TBCE: variants seen among roughly 807,000 people sequenced by gnomAD.
TBCE encodes the protein tubulin folding cofactor E, also known as tubulin-specific chaperone E.
A neutral mutation model predicts 77.0 loss-of-function variants in TBCE; 53 were observed. That is an observed-to-expected ratio of 0.69 (90% CI 0.55 to 0.87). TBCE has a LOEUF of 0.87. TBCE is among the 40% of genes least tolerant of loss of function. The probability of loss-of-function intolerance (pLI) is 0.00; values close to 1 mark genes in which losing one functional copy is unlikely to be tolerated. For synonymous variants in TBCE, 235 were observed against 241.3 expected (o/e 0.97, Z 0.24); for missense variants, 624 against 622.4 (o/e 1.00, Z -0.03).
Position 235,450,505 on chromosome 1 carries a change from G to A in TBCE, c.*1743G>A. 1 of 772,254 alleles carries A rather than the reference G, an allele frequency of 1.3e-6. No homozygotes were observed. Among genetic ancestry groups the A allele is most frequent in the Non-Finnish European group, 2.0e-6 (1 of 500,030 alleles). 47.8% of individuals were successfully genotyped at this position (772,254 alleles called of 1,614,324 possible). ...GTGAGGTTTGGGGGTGGCACCTCCT[G>A]ATTTGGGAAAGCACCAGGTCCCACA... On this transcript the variant is annotated 3_prime_UTR_variant, in exon 17 of 17. Transcript: ENST00000642610.
At position 235,434,238 on chromosome 1, in the gene TBCE, A is replaced by G; in HGVS notation, c.695A>G (p.Glu232Gly). 6.2e-7 allele frequency: 1 copy of G among 1,614,196 alleles called. No homozygotes were observed. The highest frequency in any genetic ancestry group is 8.5e-7 in the Non-Finnish European group (1 of 1,180,040). The change falls in exon 8 of 17, where the codon GAG (glutamate) becomes GGG (glycine). Residue 232 changes from glutamate (E) to glycine (G), a missense_variant. Coordinates refer to ENST00000642610, the MANE Select transcript of TBCE (RefSeq NM_003193.5). The stretch of plus-strand genomic sequence containing the variant: ...TGTGTCGCGGGGTGCCCAGGCCTGG[A>G]GGAACTCTACCTTGAGTCTAACAAC... ...LRCVAGCPGL[E>G]ELYLESNNIF...
chr1:235,372,321 G>A (rs1328735377), intron 1 of TBCE, among the ~76,000 whole-genome samples: 1 of 152,146 alleles, frequency 6.6e-6, no homozygotes, highest in African/African-American at 2.4e-5. Flanking sequence ...GCCTCCCAAA[G>A]TGTTGGGATT....
At chr1:235,374,770 G>C (rs959248317) in intron 1 of TBCE, among the ~76,000 whole-genome samples, 2 of 145,442 alleles carry the variant, frequency 1.4e-5, no homozygotes, top group Admixed American at 1.4e-4. Flanking sequence ...CGAAGTGCTG[G>C]GATTACAGGT....
intron 11 of TBCE, 75 bp downstream of exon 11, chr1:235,436,683 C>T (rs1422745152): frequency 1.4e-6 from 2 of 1,421,776 alleles, no homozygotes; most frequent in Admixed American, 1.7e-5. Flanking sequence ...GAGGTTCCTT[C>T]TACCAAAAAA....
chr1:235,383,220 C>T (rs978474108), intron 2 of TBCE, among the ~76,000 whole-genome samples: 1 of 150,712 alleles, frequency 6.6e-6, no homozygotes, highest in African/African-American at 2.4e-5. Flanking sequence ...TTACTGTAGC[C>T]TTGTAGTATA....
chr1:235,430,354 C>T (rs567802781), intron 6 of TBCE: 9 of 230,860 alleles, frequency 3.9e-5, no homozygotes, highest in Admixed American at 2.6e-4. Context: ...CTCTGGAGAA[C>T]GGGACTTTGT....
intron 5 of TBCE, among the ~76,000 whole-genome samples, chr1:235,426,330 C>T (rs1680712771): frequency 6.6e-6 from 1 of 152,142 alleles, no homozygotes; most frequent in Admixed American, 6.5e-5. Context: ...ACAACTGCTT[C>T]CAGGCTACCG....
chr1:235,379,461 G>A lies in TBCE; in HGVS notation c.-31-558G>A, dbSNP rs557307272. Among the ~76,000 whole-genome samples, 8 of 152,250 alleles carry A rather than the reference G, an allele frequency of 5.3e-5. No homozygotes were observed. In the South Asian group the frequency reaches 1.0e-3, roughly 20 times the overall value. ...GGGAATTGCTTGAACCAGGGAGGTGGAGGTTGCAGTGAGCCGAGATCGTGC... is the reference window on the plus strand; with the variant it reads ...GGGAATTGCTTGAACCAGGGAGGTGAAGGTTGCAGTGAGCCGAGATCGTGC... On this transcript the variant is annotated intron_variant, in intron 1 of 16. Coordinates refer to ENST00000642610, the MANE Select transcript of TBCE (RefSeq NM_003193.5).
chr1:235,402,933 C>T (rs1382400841), intron 3 of TBCE, among the ~76,000 whole-genome samples: 1 of 152,074 alleles, frequency 6.6e-6, no homozygotes, highest in Admixed American at 6.6e-5. Flanking sequence ...ACCAGCCCCA[C>T]TTTTAACAGT....
chr1:235,432,108 A>C (rs57175215), intron 7 of TBCE, among the ~76,000 whole-genome samples: 3,403 of 150,000 alleles, frequency 0.023, 134 homozygotes, highest in African/African-American at 0.078. Flanking sequence ...CTCAGCCTCC[A>C]AAGTAGCTGG....
At chr1:235,410,104 A>G (rs1357767116) in intron 3 of TBCE, among the ~76,000 whole-genome samples, 1 of 150,126 alleles carries the variant, frequency 6.7e-6, no homozygotes, top group Non-Finnish European at 1.5e-5. Flanking sequence ...AATCCCAGCT[A>G]CTCAGGAGGC....
intron 1 of TBCE, among the ~76,000 whole-genome samples, chr1:235,369,670 AC>A (rs1227418071): frequency 5.9e-5 from 9 of 151,524 alleles, no homozygotes; most frequent in Non-Finnish European, 2.9e-5. Context: ...AAAAAAAAAC[AC>A]AAAAAATTAC....
chr1:235,438,950 A>G (rs1182250785), intron 13 of TBCE, 28 bp downstream of exon 13: 3 of 1,614,140 alleles, frequency 1.9e-6, no homozygotes, highest in Non-Finnish European at 1.7e-6. Flanking sequence ...GGTGGCCTTC[A>G]GGTGGTGGAT....
rs527343875 is a variant in TBCE, at chr1:235,411,269, GGAGT to G, written c.186-3160_186-3157del. Among the ~76,000 whole-genome samples the G allele has an allele frequency of 9.7e-4, 148 of 152,228 alleles. 1 individual carries two copies. The South Asian group carries it at 0.017, about 17-fold the overall frequency. On this transcript the variant is annotated intron_variant, in intron 3 of 16. Coordinates refer to ENST00000642610, the MANE Select transcript of TBCE (RefSeq NM_003193.5). ...CACAGGTCAGGAACTGTGTAGACAA[GGAGT>G]GAGGCCAGTTTTCCCAAGCGGCTTT...
In TBCE at chr1:235,411,445, TC is replaced by T. The variant is rs200479702; in HGVS notation, c.186-2984del. Among the ~76,000 whole-genome samples, 790 of 151,554 alleles carry T rather than the reference TC, an allele frequency of 5.2e-3. 7 individuals are homozygous for T. The highest frequency in any genetic ancestry group is 0.019 in the African/African-American group (768 of 41,006). The stretch of plus-strand genomic sequence containing the variant: ...TATTTCCTTTGGGTTGGGGGGCGGG[TC>T]CCCTCAGTGTCCTCCTTTCTGTGGT... On this transcript the variant is annotated intron_variant, in intron 3 of 16. Transcript: ENST00000642610.
At chr1:235,421,442 T>C (rs1011000746) in intron 5 of TBCE, among the ~76,000 whole-genome samples, 16 of 152,282 alleles carry the variant, frequency 1.1e-4, no homozygotes, top group East Asian at 1.9e-4. Context: ...GCGCAGTGGC[T>C]CATGCCTGTA....
intron 1 of TBCE, among the ~76,000 whole-genome samples, chr1:235,372,660 C>T (rs1204556813): frequency 1.3e-5 from 2 of 152,094 alleles, no homozygotes; most frequent in East Asian, 3.9e-4. Context: ...CACGGTGGCT[C>T]ACGTCTGTAA....
chr1:235,421,837 A>G (rs1380315536), intron 5 of TBCE, among the ~76,000 whole-genome samples: 1 of 152,240 alleles, frequency 6.6e-6, no homozygotes, highest in Non-Finnish European at 1.5e-5. Flanking sequence ...AGTTTTGATC[A>G]GTTTTTTTCT....
intron 7 of TBCE, chr1:235,433,977 A>C (rs1212495015): frequency 1.7e-6 from 1 of 582,812 alleles, no homozygotes; most frequent in East Asian, 2.9e-5. Flanking sequence ...CCAAGGCCTC[A>C]AAGTGCCCAC....
Sources: gnomAD v4.1 joint callset for allele counts (sites outside exome capture counted in the v4.1 genomes callset) on GRCh38, gnomAD v4.1.1 for gene constraint, MANE v1.5 for transcripts, NCBI Gene and HGNC (gene_info 2026-07-23, HGNC 2026-07-21) for gene names.